ANO3: variants seen among roughly 807,000 people sequenced by gnomAD.
The protein encoded by ANO3 is anoctamin 3, also known as anoctamin-3.
A neutral mutation model predicts 144.8 loss-of-function variants in ANO3; 99 were observed. The ratio of observed to expected loss-of-function variants is 0.68; its 90% CI spans 0.58 to 0.81. The LOEUF (loss-of-function observed/expected upper bound fraction) is 0.81, where lower values mean the gene tolerates loss of function less well. Ranked by LOEUF, ANO3 falls within the 30% of genes least tolerant of loss-of-function variation. ANO3 has a pLI of 0.00. For missense variants in ANO3, 905 were observed against 1,202.2 expected (o/e 0.75, Z 3.66); for synonymous variants, 414 against 392.6 (o/e 1.05, Z -0.64).
intron 14 of ANO3, among the ~76,000 whole-genome samples, chr11:26,586,173 G>C (rs1439198264): frequency 6.6e-6 from 1 of 152,104 alleles, no homozygotes; most frequent in Non-Finnish European, 1.5e-5. Context: ...TGATGATGGG[G>C]TATTGTTCCT....
intron 1 of ANO3, among the ~76,000 whole-genome samples, chr11:26,370,380 A>G (rs1192793022): frequency 6.6e-6 from 1 of 152,188 alleles, no homozygotes; most frequent in Non-Finnish European, 1.5e-5. Flanking sequence ...GAGTCAATTA[A>G]ACCTCTTTTC....
intron 1 of ANO3, among the ~76,000 whole-genome samples, chr11:26,368,915 G>T (rs926490383): frequency 2.0e-5 from 3 of 151,498 alleles, no homozygotes; most frequent in African/African-American, 7.3e-5. Flanking sequence ...AAATATTCAA[G>T]GTGAACTGGT....
intron 1 of ANO3, among the ~76,000 whole-genome samples, chr11:26,284,587 G>T (rs1353814081): frequency 6.6e-6 from 1 of 152,086 alleles, no homozygotes; most frequent in African/African-American, 2.4e-5. Flanking sequence ...ATAGTTTCTT[G>T]GATTTATTGC....
intron 1 of ANO3, among the ~76,000 whole-genome samples, chr11:26,223,630 ATTGGGTAAT>A (rs1205689443): frequency 1.3e-5 from 2 of 149,480 alleles, no homozygotes; most frequent in Non-Finnish European, 3.0e-5. Flanking sequence ...AAACCCTGAG[ATTGGGTAAT>A]TTATGAAGAA....
At chr11:26,624,438 A>G in intron 17 of ANO3, 24 bp from the exon 18 acceptor site, 1 of 1,556,892 alleles carries the variant, frequency 6.4e-7, no homozygotes, top group Non-Finnish European at 8.8e-7. Context: ...AATAATGTTC[A>G]CTATGTATTC....
At chr11:26,460,419 AGGGGG>A (rs11288749) in intron 3 of ANO3, among the ~76,000 whole-genome samples, 1 of 114,052 alleles carries the variant, frequency 8.8e-6, no homozygotes, top group Admixed American at 9.3e-5. Context: ...AGAAGAAGAA[AGGGGG>A]GGGGGCGGGC....
intron 1 of ANO3, among the ~76,000 whole-genome samples, chr11:26,224,227 C>T (rs996312217): frequency 6.6e-6 from 1 of 152,186 alleles, no homozygotes; most frequent in Non-Finnish European, 1.5e-5. Context: ...TCACCCACAG[C>T]TTGTCAGTTC....
intron 1 of ANO3, among the ~76,000 whole-genome samples, chr11:26,374,929 A>C (rs1403678976): frequency 6.6e-6 from 1 of 152,130 alleles, no homozygotes; most frequent in African/African-American, 2.4e-5. Context: ...TTTTTAGTAG[A>C]GACAGGGTTT....
At chr11:26,596,993 C>T (rs941210106) in intron 14 of ANO3, among the ~76,000 whole-genome samples, 1 of 152,184 alleles carries the variant, frequency 6.6e-6, no homozygotes, top group African/African-American at 2.4e-5. Flanking sequence ...CCCAGGAAAC[C>T]TCACACCTGA....
chr11:26,258,711 T>A (rs569766628), intron 1 of ANO3, among the ~76,000 whole-genome samples: 1 of 152,342 alleles, frequency 6.6e-6, no homozygotes, highest in East Asian at 1.9e-4. Flanking sequence ...AGAATTAAGA[T>A]GCAAGGTTAA....
At chr11:26,430,298 A>G (rs1457643478) in intron 1 of ANO3, among the ~76,000 whole-genome samples, 1 of 151,918 alleles carries the variant, frequency 6.6e-6, no homozygotes, top group East Asian at 1.9e-4. Flanking sequence ...GGTAGATCAT[A>G]TATATATGTA....
intron 1 of ANO3, among the ~76,000 whole-genome samples, chr11:26,343,111 C>T (rs1855407681): frequency 6.6e-6 from 1 of 152,130 alleles, no homozygotes; most frequent in East Asian, 1.9e-4. Flanking sequence ...AAACTGTACC[C>T]TTTGACCAAT....
chr11:26,513,452 C>A (rs294017), intron 5 of ANO3, among the ~76,000 whole-genome samples: 150,467 of 152,240 alleles, frequency 0.99, 74,384 homozygotes, highest in Middle Eastern at 1. Flanking sequence ...ATCTGGCTAT[C>A]TGTACGGTAA....
chr11:26,604,668 T>G (rs1851887317), intron 17 of ANO3, among the ~76,000 whole-genome samples: 2 of 152,150 alleles, frequency 1.3e-5, no homozygotes, highest in South Asian at 4.1e-4. Flanking sequence ...TTATTCTCTT[T>G]GTAGCAATTG....
rs548605858 is a variant in ANO3, at chr11:26,365,287, A to G, written c.46+32966A>G. Among the ~76,000 whole-genome samples, 3 of 152,300 alleles carry G rather than the reference A, an allele frequency of 2.0e-5. No homozygotes were observed. In the South Asian group the frequency reaches 6.2e-4, roughly 32 times the overall value. On this transcript the variant is annotated intron_variant, in intron 1 of 26. Coordinates refer to ENST00000256737, the MANE Select transcript of ANO3 (RefSeq NM_031418.4). ...GAGTTCAGCTGCAAAGACTGCTCTC[A>G]TAGGTTGTTGAGTGCCTGCAGCTTT...
chr11:26,587,199 G>A (rs2132878115), intron 14 of ANO3, among the ~76,000 whole-genome samples: 1 of 152,326 alleles, frequency 6.6e-6, no homozygotes, highest in East Asian at 1.9e-4. Flanking sequence ...ATGTGAGGCA[G>A]TGAGTCAAAT....
intron 1 of ANO3, among the ~76,000 whole-genome samples, chr11:26,402,192 G>A (rs144981198): frequency 1.9e-3 from 288 of 151,848 alleles, no homozygotes; most frequent in African/African-American, 6.6e-3. Context: ...AATGGGATTT[G>A]TCTTTTCTTT....
At chr11:26,544,856 C>T (rs1479101485) in intron 11 of ANO3, among the ~76,000 whole-genome samples, 5 of 151,948 alleles carry the variant, frequency 3.3e-5, no homozygotes, top group South Asian at 2.1e-4. Context: ...TGGCTGATGA[C>T]ATAGGAGGAT....
chr11:26,422,476 G>A (rs1857781530), intron 1 of ANO3, among the ~76,000 whole-genome samples: 1 of 151,966 alleles, frequency 6.6e-6, no homozygotes, highest in African/African-American at 2.4e-5. Context: ...TATCTCATGA[G>A]ATACTTCTAA....
Sources: gnomAD v4.1 joint callset for allele counts (sites outside exome capture counted in the v4.1 genomes callset) on GRCh38, gnomAD v4.1.1 for gene constraint, MANE v1.5 for transcripts, NCBI Gene and HGNC (gene_info 2026-07-23, HGNC 2026-07-21) for gene names.